Variants in CENPP observed in about 807,000 individuals in gnomAD.
CENPP encodes centromere protein P.
In CENPP, 24 loss-of-function variants were observed where a neutral mutation model predicts 35.6. The ratio of observed to expected loss-of-function variants is 0.67; its 90% confidence interval spans 0.49 to 0.95. The LOEUF (loss-of-function observed/expected upper bound fraction) is 0.95, where lower values mean the gene tolerates loss of function less well. CENPP is among the 40% of genes least tolerant of loss of function. CENPP has a pLI of 0.00. For missense variants in CENPP, 332 were observed against 345.3 expected (o/e 0.96, Z 0.31); for synonymous variants, 120 against 125.5 (o/e 0.96, Z 0.29).
chr9:92,579,854 G>A (rs989760539), intron 5 of CENPP, among the ~76,000 whole-genome samples: 3 of 145,422 alleles, frequency 2.1e-5, no homozygotes, highest in African/African-American at 8.2e-5. Flanking sequence ...TAGGAGTGGT[G>A]AGAGAGGGCA....
At chr9:92,459,571 G>A (rs1845017875) in intron 5 of CENPP, 1 of 1,529,770 alleles carries the variant, frequency 6.5e-7, no homozygotes, top group Non-Finnish European at 9.0e-7. Context: ...GTGTGCTAAA[G>A]TGTGTTATAA....
intron 5 of CENPP, among the ~76,000 whole-genome samples, chr9:92,549,945 T>C (rs1020941524): frequency 6.6e-6 from 1 of 152,136 alleles, no homozygotes; most frequent in African/African-American, 2.4e-5. Context: ...CTTCCATCCA[T>C]AGTTCCACCA....
At chr9:92,534,581 A>T (rs534475580) in intron 5 of CENPP, among the ~76,000 whole-genome samples, 11 of 152,330 alleles carry the variant, frequency 7.2e-5, no homozygotes, top group African/African-American at 2.4e-4. Context: ...AACTTTTTGC[A>T]ATCTACTTTA....
At chr9:92,537,421 G>A (rs937116670) in intron 5 of CENPP, among the ~76,000 whole-genome samples, 1 of 152,098 alleles carries the variant, frequency 6.6e-6, no homozygotes, top group African/African-American at 2.4e-5. Flanking sequence ...AGCACTTTGG[G>A]AGGCAGAGAC....
At chr9:92,481,880 T>TAA (rs1231417370) in intron 5 of CENPP, among the ~76,000 whole-genome samples, 1 of 152,138 alleles carries the variant, frequency 6.6e-6, no homozygotes, top group Non-Finnish European at 1.5e-5. Flanking sequence ...TTTTAAATAT[T>TAA]GAAAAATATA....
rs572801243 is a variant in CENPP at position 92,505,957 on chromosome 9, G to A, written c.565-105357G>A. ...TGCTAGGTGCTAACAATATGTGTAA[G>A]GAACAGAAGCAAGAGAGAAGAGAGG... is the stretch of plus-strand genomic sequence containing the variant. On this transcript the variant is annotated intron_variant, in intron 5 of 7. Transcript: ENST00000375587. Among the ~76,000 whole-genome samples, 8 of 152,246 alleles carry A rather than the reference G, an allele frequency of 5.3e-5. No homozygotes were observed. The East Asian group carries it at 1.5e-3, about 29-fold the overall frequency.
Position 92,430,772 on chromosome 9 carries a change from TTTG to T in CENPP, c.564+50931_564+50933del, listed in dbSNP as rs529838846. 2.3e-3 allele frequency among the ~76,000 whole-genome samples: 343 copies of T among 152,122 alleles called. 1 individual carries two copies. Among genetic ancestry groups the T allele is most frequent in the Non-Finnish European group, 4.1e-3 (278 of 67,956 alleles). ...TCATTTTAGGACTATTATGGTTTCT[TTTG>T]TTGTTGTTGTTGTTGTTTTGTTTTT... On this transcript the variant is annotated intron_variant, in intron 5 of 7. Transcript: ENST00000375587.
At chr9:92,455,854 G>A (rs1170451349) in intron 5 of CENPP, among the ~76,000 whole-genome samples, 9 of 152,088 alleles carry the variant, frequency 5.9e-5, no homozygotes, top group African/African-American at 1.9e-4. Flanking sequence ...GGCAGATCAC[G>A]AGGTCAGGAG....
rs1309562162 is a variant in CENPP at position 92,476,520 on chromosome 9, C to T, written c.564+96661C>T. On this transcript the variant is annotated intron_variant, in intron 5 of 7. Transcript: ENST00000375587. This position sits in a 1 kb window ranked among gnomAD's most constrained non-coding sequence, Gnocchi z 4.1. ...CTAAATGGTGGCATGAACATTTGCC[C>T]ACTGGGTAGCTGGATGGCACTGGTC... 6.6e-6 allele frequency among the ~76,000 whole-genome samples: 1 copy of T among 152,116 alleles called. No individual in the cohort carries two copies. Among genetic ancestry groups the T allele is most frequent in the East Asian group, 1.9e-4 (1 of 5,194 alleles).
chr9:92,388,841 A>T (rs1471678872), intron 5 of CENPP, among the ~76,000 whole-genome samples: 1 of 151,994 alleles, frequency 6.6e-6, no homozygotes, highest in Admixed American at 6.6e-5. Context: ...CAAAAAAAAA[A>T]AAAAAAAAGG....
chr9:92,412,844 ATGTGGGTGATTTCTACCT>A (rs924267210), intron 5 of CENPP, among the ~76,000 whole-genome samples: 2 of 152,114 alleles, frequency 1.3e-5, no homozygotes, highest in African/African-American at 4.8e-5. Context: ...ATTGATGGAC[ATGTGGGTGATTTCTACCT>A]TGTGGATAAT....
intron 7 of CENPP, 137 bp from the exon 8 acceptor site, chr9:92,612,882 C>A (rs1160634901): frequency 6.7e-6 from 7 of 1,047,676 alleles, no homozygotes; most frequent in Non-Finnish European, 9.9e-6. Context: ...ATCTCCTCGC[C>A]CGCCACTAGC....
chr9:92,527,012 T>G (rs1419474731), intron 5 of CENPP, among the ~76,000 whole-genome samples: 1 of 150,624 alleles, frequency 6.6e-6, no homozygotes, highest in Non-Finnish European at 1.5e-5. Flanking sequence ...TATTATTTAT[T>G]TATTTATTTA....
intron 5 of CENPP, among the ~76,000 whole-genome samples, chr9:92,557,355 G>C (rs1849748867): frequency 6.6e-6 from 1 of 152,152 alleles, no homozygotes; most frequent in Non-Finnish European, 1.5e-5. Context: ...TCTTGTATTT[G>C]GATGTCTGGC....
At chr9:92,529,649 A>G (rs925332161) in intron 5 of CENPP, among the ~76,000 whole-genome samples, 1 of 152,246 alleles carries the variant, frequency 6.6e-6, no homozygotes, top group Admixed American at 6.5e-5. Flanking sequence ...CCATCAAGCC[A>G]TGAAAATACA....
chr9:92,458,706 T>C (rs995908934), intron 5 of CENPP, among the ~76,000 whole-genome samples: 1 of 152,116 alleles, frequency 6.6e-6, no homozygotes, highest in African/African-American at 2.4e-5. Flanking sequence ...GTGGAGCAAA[T>C]TAAGCAGAAA....
rs111930381 is a variant in CENPP, at chr9:92,342,361, G to A, written c.379-3338G>A. Among the ~76,000 whole-genome samples the A allele has an allele frequency of 5.1e-3, 771 of 152,184 alleles. 2 individuals carry two copies. Among genetic ancestry groups the A allele is most frequent in the Non-Finnish European group, 7.8e-3 (528 of 67,994 alleles). ...CCTATATGCTTTAGCGGATGCAGGG[G>A]GAAAAAAATCTAAGGAGAGGAACTG... On this transcript the variant is annotated intron_variant, in intron 3 of 7. Transcript: ENST00000375587.
At position 92,332,202 on chromosome 9, in the gene CENPP, T is replaced by G; in HGVS notation, c.140T>G (p.Leu47Trp). The G allele has an allele frequency of 6.2e-7, 1 of 1,605,974 alleles. No individual in the cohort carries two copies. Among genetic ancestry groups the G allele is most frequent in the Admixed American group, 1.7e-5 (1 of 57,840 alleles). ...TTTCAAGCCATACACCAATTCAATTTGGAAGGATGGAAGTCTTCAAAAGAT... is the reference window on the plus strand; with the variant it reads ...TTTCAAGCCATACACCAATTCAATTGGGAAGGATGGAAGTCTTCAAAAGAT... ...KSFQAIHQFN[L>W]EGWKSSKDLK... Residue 47 changes from leucine (L) to tryptophan (W), a missense_variant, in exon 2 of 8, where the codon TTG becomes TGG. Physicochemically the swap from Leu to Trp is moderately conservative, Grantham distance 61 (BLOSUM62 -2). Transcript: ENST00000375587.
intron 5 of CENPP, among the ~76,000 whole-genome samples, chr9:92,444,202 A>G (rs540719876): frequency 6.6e-6 from 1 of 152,314 alleles, no homozygotes; most frequent in South Asian, 2.1e-4. Flanking sequence ...TATAATTTAC[A>G]TTTCATACAG....
Sources: gnomAD v4.1 joint callset for allele counts (sites outside exome capture counted in the v4.1 genomes callset) on GRCh38, gnomAD v4.1.1 for gene constraint, Gnocchi (gnomAD v3.1) non-coding constraint, MANE v1.5 for transcripts, NCBI Gene and HGNC (gene_info 2026-07-23, HGNC 2026-07-21) for gene names.